The following TDRD3 variants were observed in gnomAD, a reference collection of about 807,000 sequenced individuals.
TDRD3 encodes tudor domain-containing protein 3.
In TDRD3, 45 loss-of-function variants were observed where a neutral mutation model predicts 86.7. The ratio of observed to expected loss-of-function variants is 0.52; its 90% CI spans 0.41 to 0.67. TDRD3 has a LOEUF of 0.67. Among genes scored for constraint, TDRD3 ranks in the 30% least tolerant of loss-of-function variants. The pLI is 0.00. For missense variants in TDRD3, 814 were observed against 889.0 expected, an observed-to-expected ratio of 0.92 and a Z score of 1.07; for synonymous variants, 298 against 301.7, an observed-to-expected ratio of 0.99 and a Z score of 0.13.
intron 1 of TDRD3, among the ~76,000 whole-genome samples, chr13:60,408,720 A>G (rs61970120): frequency 0.15 from 22,866 of 152,250 alleles, 2,159 homozygotes; most frequent in South Asian, 0.28. Context: ...GGGTGCTGTT[A>G]AAAGCATTCT....
At chr13:60,443,077 A>G (rs530276615) in intron 2 of TDRD3, among the ~76,000 whole-genome samples, 1 of 152,124 alleles carries the variant, frequency 6.6e-6, no homozygotes, top group East Asian at 1.9e-4. Flanking sequence ...TGTTAGTTAC[A>G]TTATTGATAT....
intron 8 of TDRD3, among the ~76,000 whole-genome samples, chr13:60,508,136 A>C (rs1254778844): frequency 6.6e-6 from 1 of 152,208 alleles, no homozygotes; most frequent in African/African-American, 2.4e-5. Context: ...AACGAATGGA[A>C]AAATATTCCA....
intron 2 of TDRD3, among the ~76,000 whole-genome samples, chr13:60,443,759 C>A (rs1955336760): frequency 6.6e-6 from 1 of 151,778 alleles, no homozygotes; most frequent in African/African-American, 2.4e-5. Context: ...TTTCTTTTAA[C>A]TTGTTCTTAA....
At chr13:60,440,390 G>T (rs1243276513) in intron 2 of TDRD3, among the ~76,000 whole-genome samples, 1 of 151,664 alleles carries the variant, frequency 6.6e-6, no homozygotes, top group Non-Finnish European at 1.5e-5. Context: ...AAATAAAAAT[G>T]TAAGTAAACA....
intron 1 of TDRD3, among the ~76,000 whole-genome samples, chr13:60,435,470 T>C (rs138656233): frequency 3.7e-4 from 56 of 152,284 alleles, no homozygotes; most frequent in Middle Eastern, 3.4e-3. Context: ...ACTCTATATG[T>C]ATTTGCACCC....
At chr13:60,549,319 C>T (rs545840934) in intron 12 of TDRD3, among the ~76,000 whole-genome samples, 3 of 152,238 alleles carry the variant, frequency 2.0e-5, no homozygotes, top group East Asian at 3.9e-4. Context: ...AGCCCATTTT[C>T]AGTAGAGGTT....
chr13:60,551,784 T>C (rs139538845), intron 12 of TDRD3, among the ~76,000 whole-genome samples: 1 of 152,266 alleles, frequency 6.6e-6, no homozygotes, highest in East Asian at 1.9e-4. Flanking sequence ...AAACTTACAA[T>C]ATGGTAAAAG....
chr13:60,540,189 G>C (rs146258897), intron 12 of TDRD3, among the ~76,000 whole-genome samples: 1 of 152,116 alleles, frequency 6.6e-6, no homozygotes, highest in Non-Finnish European at 1.5e-5. Flanking sequence ...GAAACTTTCA[G>C]AGATCACCAT....
chr13:60,411,087 AT>A (rs1417077323), intron 1 of TDRD3, among the ~76,000 whole-genome samples: 1 of 152,210 alleles, frequency 6.6e-6, no homozygotes, highest in Non-Finnish European at 1.5e-5. Context: ...AACTTTGTTA[AT>A]AAACATATCT....
upstream of TDRD3, chr13:60,397,012 T>C (rs1953928789): frequency 5.2e-6 from 1 of 191,306 alleles, no homozygotes; most frequent in South Asian, 1.9e-4. Flanking sequence ...CTTTCCAAGG[T>C]GTGCAACTCA....
intron 8 of TDRD3, among the ~76,000 whole-genome samples, chr13:60,508,354 C>T (rs1048835526): frequency 1.3e-5 from 2 of 152,142 alleles, no homozygotes; most frequent in African/African-American, 2.4e-5. Context: ...CATCATGCTA[C>T]GTGACTTCAA....
At chr13:60,445,902 A>G (rs1475058047) in intron 3 of TDRD3, among the ~76,000 whole-genome samples, 2 of 152,200 alleles carry the variant, frequency 1.3e-5, no homozygotes, top group African/African-American at 2.4e-5. Context: ...ACAAGCTCAT[A>G]GAATAGTAGT....
Position 60,483,768 on chromosome 13 carries a change from T to C in TDRD3, c.496-7T>C. The C allele has an allele frequency of 6.2e-7, 1 of 1,600,262 alleles. No individual in the cohort carries two copies. The highest frequency in any genetic ancestry group is 1.7e-5 in the Admixed American group (1 of 57,886). The stretch of plus-strand genomic sequence containing the variant: ...ACTGCTCTTTTGTGACTGGATTTTT[T>C]CCGCAGAGCTTATCAAAACACAATA... On this transcript the variant is annotated splice_polypyrimidine_tract_variant and splice_region_variant and intron_variant, in intron 5 of 13. Coordinates refer to ENST00000377881, the MANE Select transcript of TDRD3 (RefSeq NM_001146070.2).
In TDRD3 at chr13:60,494,452, A is replaced by AGGT. The variant is rs1555282318; in HGVS notation, c.746_748dup (p.Gly249dup). On this transcript the variant is annotated inframe_insertion, in exon 8 of 14. Coordinates refer to ENST00000377881, the MANE Select transcript of TDRD3 (RefSeq NM_001146070.2). ...ATGTAAAGACCAAGACATTTGGAGG[A>AGGT]GGTGGTGGTGGTGCTAGAAGTAATC... 1.5e-5 allele frequency: 25 copies of AGGT among 1,613,080 alleles called. No individual in the cohort carries two copies. The highest frequency in any genetic ancestry group is 2.0e-5 in the Non-Finnish European group (24 of 1,179,548).
intron 5 of TDRD3, among the ~76,000 whole-genome samples, chr13:60,481,046 C>T (rs1014344353): frequency 2.0e-5 from 3 of 151,990 alleles, no homozygotes; most frequent in Non-Finnish European, 2.9e-5. Context: ...GGGGTGGCAG[C>T]GAGGTCACAG....
chr13:60,479,007 A>C (rs1956257501), intron 5 of TDRD3, among the ~76,000 whole-genome samples: 1 of 151,530 alleles, frequency 6.6e-6, no homozygotes. Flanking sequence ...GGGTGTCACC[A>C]TCTTGGCCGG....
At position 60,405,903 on chromosome 13, in the gene TDRD3, C is replaced by G. The variant is rs553476111; in HGVS notation, c.41+8498C>G. On this transcript the variant is annotated intron_variant, in intron 1 of 13. Coordinates refer to ENST00000377881, the MANE Select transcript of TDRD3 (RefSeq NM_001146070.2). ...GATAGAGAGCAGCAGATCGACTTGA[C>G]AGATATTTGGAAGGTAAATGGACAG... Among the ~76,000 whole-genome samples, 36 of 152,232 alleles carry G rather than the reference C, an allele frequency of 2.4e-4. 1 individual carries two copies. The South Asian group carries it at 5.4e-3, about 23-fold the overall frequency.
intron 1 of TDRD3, among the ~76,000 whole-genome samples, chr13:60,425,552 T>C (rs1954780031): frequency 6.6e-6 from 1 of 152,192 alleles, no homozygotes; most frequent in South Asian, 2.1e-4. Flanking sequence ...TAAAGATATT[T>C]GCACTTCCAA....
At chr13:60,437,120 AC>A (rs1195216032) in intron 1 of TDRD3, among the ~76,000 whole-genome samples, 2 of 78,150 alleles carry the variant, frequency 2.6e-5, no homozygotes, top group African/African-American at 8.5e-5. Context: ...GATAAATTAA[AC>A]TTTTTTTTTT....
Sources: gnomAD v4.1 joint callset for allele counts (sites outside exome capture counted in the v4.1 genomes callset) on GRCh38, gnomAD v4.1.1 for gene constraint, MANE v1.5 for transcripts, NCBI Gene and HGNC (gene_info 2026-07-23, HGNC 2026-07-21) for gene names.